The following WDR11 variants were observed in gnomAD, a reference collection of about 807,000 sequenced individuals.
WDR11 encodes the protein WD repeat domain 11.
WDR11 carries 83 observed loss-of-function variants against 151.2 expected under a neutral mutation model. The ratio of observed to expected loss-of-function variants is 0.55; its 90% confidence interval spans 0.46 to 0.66. The LOEUF (loss-of-function observed/expected upper bound fraction) is 0.66. WDR11 is among the 30% of genes least tolerant of loss of function. The pLI is 0.00. For missense variants in WDR11, 1,301 were observed against 1,480.9 expected (o/e 0.88, Z 1.99); for synonymous variants, 484 against 533.1 (o/e 0.91, Z 1.27).
At chr10:120,876,322 A>C (rs963899844) in intron 11 of WDR11, among the ~76,000 whole-genome samples, 1 of 152,148 alleles carries the variant, frequency 6.6e-6, no homozygotes, top group Admixed American at 6.5e-5. Flanking sequence ...TGTGATGGAA[A>C]TCTCTGAAAA....
intron 12 of WDR11, 77 bp downstream of exon 12, chr10:120,878,536 CTTCT>C: frequency 1.7e-6 from 2 of 1,168,768 alleles, no homozygotes; most frequent in Admixed American, 1.9e-5. Flanking sequence ...TTTGAAAGTA[CTTCT>C]TTCACCTTGG....
At chr10:120,882,939 A>G (rs1847074432) in intron 13 of WDR11, among the ~76,000 whole-genome samples, 1 of 152,160 alleles carries the variant, frequency 6.6e-6, no homozygotes, top group African/African-American at 2.4e-5. Flanking sequence ...CTAAAATGTA[A>G]TGTAAACAGT....
At chr10:120,857,373 G>T (rs1845984358) in intron 2 of WDR11, among the ~76,000 whole-genome samples, 1 of 152,140 alleles carries the variant, frequency 6.6e-6, no homozygotes, top group African/African-American at 2.4e-5. Flanking sequence ...TGATTTTGAG[G>T]TTGCAAATTA....
chr10:120,873,993 AC>A, intron 11 of WDR11, 70 bp downstream of exon 11: 1 of 970,060 alleles, frequency 1.0e-6, no homozygotes, highest in Non-Finnish European at 1.7e-6. Context: ...AGACTTTTCT[AC>A]ATTGAGTACT....
Position 120,880,847 on chromosome 10 carries a change from G to A in WDR11, c.1685G>A (p.Gly562Asp), listed in dbSNP as rs1210780458. The change falls in exon 13 of 29, where the codon GGT becomes GAT. Residue 562 changes from glycine to aspartate, a missense_variant. Transcript: ENST00000263461. ...LPTGRSIAFR[G>D]ERGNDESAIE... ...AAAGGTAGGAGCATTGCTTTTCGTG[G>A]TGAAAGAGGCAATGATGAATCTGCC... 2 of 1,605,214 alleles carry A rather than the reference G, an allele frequency of 1.2e-6. No homozygotes were observed. Among genetic ancestry groups the A allele is most frequent in the South Asian group, 1.1e-5 (1 of 89,808 alleles).
At chr10:120,855,103 CTAA>C (rs1280702195) in intron 2 of WDR11, among the ~76,000 whole-genome samples, 3 of 152,076 alleles carry the variant, frequency 2.0e-5, no homozygotes, top group Non-Finnish European at 4.4e-5. Context: ...ACAACAATAA[CTAA>C]TAATAATAAA....
At chr10:120,890,187 GATTTATTT>G (rs71929750) in intron 18 of WDR11, among the ~76,000 whole-genome samples, 178 bp downstream of exon 18, 6 of 150,950 alleles carry the variant, frequency 4.0e-5, no homozygotes, top group East Asian at 2.0e-4. Context: ...AACAACTCAA[GATTTATTT>G]ATTTATTTAT....
chr10:120,864,978 A>G, intron 5 of WDR11, 69 bp from the exon 6 acceptor site: 2 of 1,555,186 alleles, frequency 1.3e-6, no homozygotes, highest in Admixed American at 3.4e-5. Context: ...GTAAAGTACA[A>G]AATTAAATCT....
chr10:120,909,178 G>GTAT lies in WDR11; in HGVS notation c.*468_*470dup, dbSNP rs1450754730. On this transcript the variant is annotated 3_prime_UTR_variant, in exon 29 of 29. Coordinates refer to ENST00000263461, the MANE Select transcript of WDR11 (RefSeq NM_018117.12). ...AAACAAGGCAGAAACATTTAAACTA[G>GTAT]TATTAAAGGTAGTTTACCAAAGCAT... The GTAT allele has an allele frequency of 3.7e-5, 6 of 161,670 alleles. No homozygotes were observed. The highest frequency in any genetic ancestry group is 1.4e-4 in the African/African-American group (6 of 41,508). 10.0% of individuals were successfully genotyped at this position (161,670 alleles called of 1,614,324 possible).
chr10:120,852,964 C>T (rs927531267), intron 2 of WDR11, among the ~76,000 whole-genome samples: 2 of 152,218 alleles, frequency 1.3e-5, no homozygotes, highest in African/African-American at 4.8e-5. Context: ...ATAAGGAAGA[C>T]TCACAGCGTG....
At chr10:120,852,886 C>T (rs1845828524) in intron 2 of WDR11, among the ~76,000 whole-genome samples, 1 of 152,164 alleles carries the variant, frequency 6.6e-6, no homozygotes, top group South Asian at 2.1e-4. Flanking sequence ...TCAGTCATTC[C>T]TTAGTTTTGA....
intron 12 of WDR11, among the ~76,000 whole-genome samples, chr10:120,878,687 C>T (rs868628314): frequency 5.3e-5 from 8 of 152,208 alleles, no homozygotes; most frequent in Middle Eastern, 3.4e-3. Context: ...TTAGCCTGAA[C>T]AGACAGATTC....
chr10:120,903,326 G>A (rs1439838212), intron 23 of WDR11, 94 bp downstream of exon 23: 28 of 1,469,470 alleles, frequency 1.9e-5, no homozygotes, highest in Middle Eastern at 2.0e-4. Flanking sequence ...TTCAAACTAA[G>A]TTACTGTTCA....
In WDR11 at chr10:120,908,668, A is replaced by C. The variant is rs1848170047; in HGVS notation, c.3630A>C (p.Leu1210Phe). The change falls in exon 29 of 29, where the codon TTA becomes TTC. Residue 1210 changes from leucine to phenylalanine, a missense_variant. Physicochemically the swap from Leu to Phe is conservative, Grantham distance 22 (BLOSUM62 0). Coordinates refer to ENST00000263461, the MANE Select transcript of WDR11 (RefSeq NM_018117.12). ...AAGCCGGAGCAGCTGGCAAAGACTT[A>C]TTGAATGAGCTTGAGTCCCCCAAGG... The part of the protein sequence containing the change: ...ASKAGAAGKD[L>F]LNELESPKEE... The C allele has an allele frequency of 1.9e-6, 3 of 1,614,214 alleles. No homozygotes were observed. The highest frequency in any genetic ancestry group is 2.7e-5 in the African/African-American group (2 of 75,058).
intron 17 of WDR11, 144 bp from the exon 18 acceptor site, chr10:120,889,751 A>G: frequency 1.4e-6 from 1 of 695,596 alleles, no homozygotes. Flanking sequence ...TTTCTGTCAG[A>G]TGTGGCCCCC....
chr10:120,907,385 T>C lies in WDR11; in HGVS notation c.3517+530T>C, dbSNP rs897253219. 4 of 161,960 alleles carry C rather than the reference T, an allele frequency of 2.5e-5. No individual in the cohort carries two copies. In the South Asian group the frequency reaches 6.6e-4, roughly 27 times the overall value. The allele number at this position is 161,960 out of a possible 1,614,324, so 10.0% of individuals were successfully genotyped here. A position where few individuals can be genotyped will look rare whatever the true frequency, so the allele number is the denominator to read the frequency against. On this transcript the variant is annotated intron_variant, in intron 28 of 28. Transcript: ENST00000263461. ...CCCATCAGCCAGAACATTTTATTTC[T>C]TCTAAATGGCACTTGAGCAACATTG...
At chr10:120,902,761 A>G (rs1427379469) in intron 22 of WDR11, among the ~76,000 whole-genome samples, 2 of 152,142 alleles carry the variant, frequency 1.3e-5, no homozygotes, top group East Asian at 1.9e-4. Flanking sequence ...ATGTGAATCA[A>G]TGGCCCACAT....
intron 16 of WDR11, among the ~76,000 whole-genome samples, chr10:120,888,034 GT>G: frequency 6.6e-6 from 1 of 152,126 alleles, no homozygotes; most frequent in South Asian, 2.1e-4. Context: ...TATTCAGTGT[GT>G]GTGCTAGTCC....
Position 120,874,652 on chromosome 10 carries a change from A to G in WDR11, c.1556+729A>G, listed in dbSNP as rs149642642. On this transcript the variant is annotated intron_variant, in intron 11 of 28. Coordinates refer to ENST00000263461, the MANE Select transcript of WDR11 (RefSeq NM_018117.12). ...TCAACTCCCACTTATGAGTGAGAAC[A>G]TACAGTGTTTGGTTTTTCTGTTCCT... Among the ~76,000 whole-genome samples the G allele has an allele frequency of 6.3e-3, 957 of 152,168 alleles. 5 individuals carry two copies. Among genetic ancestry groups the G allele is most frequent in the Non-Finnish European group, 0.011 (731 of 68,012 alleles).
Sources: gnomAD v4.1 joint callset for allele counts (sites outside exome capture counted in the v4.1 genomes callset) on GRCh38, gnomAD v4.1.1 for gene constraint, MANE v1.5 for transcripts, NCBI Gene and HGNC (gene_info 2026-07-23, HGNC 2026-07-21) for gene names.